SH3BP2: variants seen among roughly 807,000 people sequenced by gnomAD.
SH3BP2 encodes SH3 domain-binding protein 2.
SH3BP2 carries 38 observed loss-of-function variants against 56.2 expected under a neutral mutation model. The ratio of observed to expected loss-of-function variants is 0.68; its 90% CI spans 0.52 to 0.89. The LOEUF (loss-of-function observed/expected upper bound fraction) is 0.89, where lower values mean the gene tolerates loss of function less well. Among genes scored for constraint, SH3BP2 ranks in the 40% least tolerant of loss-of-function variants. The pLI, the probability that SH3BP2 is intolerant of heterozygous loss-of-function variation, is 0.00. For missense variants in SH3BP2, 748 were observed against 762.6 expected, an observed-to-expected ratio of 0.98 and a Z score of 0.23; for synonymous variants, 346 against 316.7, an observed-to-expected ratio of 1.09 and a Z score of -0.98.
chr4:2,815,602 C>T (rs759101928), intron 1 of SH3BP2, among the ~76,000 whole-genome samples: 2 of 152,228 alleles, frequency 1.3e-5, no homozygotes, highest in African/African-American at 2.4e-5. Context: ...TGGTGGGTTC[C>T]ATCTGTCCTC....
chr4:2,794,908 C>A (rs1225061781), intron 1 of SH3BP2, among the ~76,000 whole-genome samples: 1 of 152,214 alleles, frequency 6.6e-6, no homozygotes, highest in African/African-American at 2.4e-5. Flanking sequence ...AGATGGCCAG[C>A]CTTGGTTCCT....
chr4:2,802,653 GTATA>G (rs1308971030), intron 1 of SH3BP2, among the ~76,000 whole-genome samples: 1 of 147,104 alleles, frequency 6.8e-6, no homozygotes, highest in Non-Finnish European at 1.5e-5. Context: ...ATATATATAT[GTATA>G]TGTGTGTGTG....
intron 1 of SH3BP2, among the ~76,000 whole-genome samples, chr4:2,803,728 C>T (rs114763637): frequency 0.01 from 1,555 of 152,254 alleles, 33 homozygotes; most frequent in African/African-American, 0.036. Flanking sequence ...TACCTGCAAC[C>T]CCAGGGCCTT....
chr4:2,818,715 A>C, intron 1 of SH3BP2: 1 of 994,248 alleles, frequency 1.0e-6, no homozygotes, highest in Non-Finnish European at 1.2e-6. Context: ...TTTGTTCCAA[A>C]CCTTGGCCTG....
At position 2,805,932 on chromosome 4, in the gene SH3BP2, G is replaced by A. The variant is rs577119563; in HGVS notation, c.-5+12794G>A. On this transcript the variant is annotated intron_variant, in intron 1 of 12. Transcript: ENST00000503393. ...TGGCTCTGTCTGTGCCAAGGGCCGC[G>A]GGGAGACGCCTGTTCTGGAGGCCAG... Among the ~76,000 whole-genome samples, 19 of 152,334 alleles carry A rather than the reference G, an allele frequency of 1.2e-4. No homozygotes were observed. In the East Asian group the frequency reaches 3.1e-3, roughly 25 times the overall value.
In SH3BP2 at chr4:2,798,197, C is replaced by G. The variant is rs750897587; in HGVS notation, c.-5+5059C>G. On this transcript the variant is annotated intron_variant, in intron 1 of 12. Transcript: ENST00000503393. ...CCAAAGCCTGGTGAGGAAGAGCCGC[C>G]GAGCGGAGTCGGTGTCCCCTGTCCT... Among the ~76,000 whole-genome samples the G allele has an allele frequency of 2.6e-5, 4 of 152,264 alleles. No homozygotes were observed. In the East Asian group the frequency reaches 7.8e-4, roughly 30 times the overall value.
intron 1 of SH3BP2, among the ~76,000 whole-genome samples, chr4:2,806,544 G>C (rs2108707136): frequency 6.6e-6 from 1 of 152,296 alleles, no homozygotes; most frequent in East Asian, 1.9e-4. Flanking sequence ...GCGAGCAGCA[G>C]TGCCAGCCGT....
intron 1 of SH3BP2, among the ~76,000 whole-genome samples, chr4:2,806,178 G>A (rs1403600314): frequency 6.6e-6 from 1 of 152,236 alleles, no homozygotes; most frequent in Non-Finnish European, 1.5e-5. Flanking sequence ...GCCTGCCAAG[G>A]TCACATGCAT....
chr4:2,830,231 C>T, intron 8 of SH3BP2, 84 bp downstream of exon 8: 1 of 1,335,898 alleles, frequency 7.5e-7, no homozygotes, highest in East Asian at 2.5e-5. Context: ...GCCCACCTCG[C>T]TCCCCTGGCA....
intron 1 of SH3BP2, among the ~76,000 whole-genome samples, chr4:2,813,346 G>A (rs1361116184): frequency 1.3e-5 from 2 of 152,252 alleles, no homozygotes; most frequent in Non-Finnish European, 2.9e-5. Context: ...TTCTTCGTCA[G>A]TGACTTGGGG....
At chr4:2,812,515 G>A (rs184438330) in intron 1 of SH3BP2, 92 of 1,543,208 alleles carry the variant, frequency 6.0e-5, no homozygotes, top group Admixed American at 7.9e-5. Context: ...CTCGGGAGGC[G>A]GCACTGGTCT....
intron 12 of SH3BP2, 35 bp downstream of exon 12, chr4:2,833,084 C>T (rs767817796): frequency 2.2e-5 from 36 of 1,602,172 alleles, no homozygotes; most frequent in African/African-American, 9.4e-5. Flanking sequence ...GGACCCTGGC[C>T]GCATGGCCTG....
At chr4:2,818,838 C>A (rs916939472) in intron 1 of SH3BP2, 4 of 986,124 alleles carry the variant, frequency 4.1e-6, no homozygotes, top group Non-Finnish European at 4.8e-6. Context: ...AGGCCGAGGC[C>A]GGCAGAAGAC....
intron 5 of SH3BP2, 163 bp downstream of exon 5, chr4:2,825,359 A>G (rs1724548242): frequency 2.9e-6 from 2 of 687,634 alleles, no homozygotes; most frequent in African/African-American, 3.6e-5. Context: ...GTCTACAGAT[A>G]AACACAGATA....
chr4:2,825,193 C>G lies in SH3BP2; in HGVS notation c.425C>G (p.Thr142Ser). 6.3e-7 allele frequency: 1 copy of G among 1,576,804 alleles called. No individual in the cohort carries two copies. The highest frequency in any genetic ancestry group is 2.3e-5 in the East Asian group (1 of 42,688). Reference sequence around the variant, plus strand: ...GAAAAGAAAGACCTGCCCTTGGACACCAGGTGAGCCCGGGCCCAGGGCATA... The same window carrying G: ...GAAAAGAAAGACCTGCCCTTGGACAGCAGGTGAGCCCGGGCCCAGGGCATA... ...FHEKKDLPLD[T>S]SDSSSDTDSF... The change falls in exon 5 of 13, where the codon ACC becomes AGC. Residue 142 changes from threonine (T) to serine (S), a missense_variant. Transcript: ENST00000503393.
Position 2,831,258 on chromosome 4 carries a change from C to T in SH3BP2, c.1242-313C>T, listed in dbSNP as rs1724969337. ...GGCTGTGATTTGGCCATGACCGGAC[C>T]TCCCCTCCCCACGAGCATCCAGAGC... On this transcript the variant is annotated intron_variant, in intron 8 of 12. Coordinates refer to ENST00000503393, the MANE Select transcript of SH3BP2 (RefSeq NM_001122681.2). This position sits in a 1 kb window ranked among gnomAD's most constrained non-coding sequence, Gnocchi z 4.1. Among the ~76,000 whole-genome samples, 1 of 152,208 alleles carries T rather than the reference C, an allele frequency of 6.6e-6. No homozygotes were observed. The highest frequency in any genetic ancestry group is 1.5e-5 in the Non-Finnish European group (1 of 68,036).
In SH3BP2 at chr4:2,839,705, C is replaced by G. The variant is rs1442200176; in HGVS notation, c.*5871C>G. On this transcript the variant is annotated 3_prime_UTR_variant, in exon 13 of 13. Transcript: ENST00000503393. ...ACCTCAGCCTCCTGAGTAGCCGGAA[C>G]TACAGTCACGCACTTCCATGTCCAG... 1 of 151,696 alleles carries G rather than the reference C, an allele frequency of 6.6e-6. No individual in the cohort carries two copies. The highest frequency in any genetic ancestry group is 2.4e-5 in the African/African-American group (1 of 41,242). 9.4% of individuals were successfully genotyped at this position (151,696 alleles called of 1,614,324 possible). A position where few individuals can be genotyped will look rare whatever the true frequency, so the allele number is the denominator to read the frequency against.
At position 2,840,234 on chromosome 4, in the gene SH3BP2, C is replaced by CAAAAAAAAAAAA. The variant is rs568332811; in HGVS notation, c.*6409_*6420dup. The CAAAAAAAAAAAA allele has an allele frequency of 5.6e-4, 46 of 82,488 alleles. No individual in the cohort carries two copies. The highest frequency in any genetic ancestry group is 6.7e-4 in the Admixed American group (5 of 7,504). 5.1% of individuals were successfully genotyped at this position (82,488 alleles called of 1,614,324 possible). Reference sequence around the variant, plus strand: ...AGTGAGACCCTATCTCAAAAAAAACCAAAAAAAAAAAAAAAAAAAAGAAAA... The same window carrying CAAAAAAAAAAAA: ...AGTGAGACCCTATCTCAAAAAAAACCAAAAAAAAAAAAAAAAAAAAAAAAAAAAAAAAGAAAA... On this transcript the variant is annotated 3_prime_UTR_variant, in exon 13 of 13. Coordinates refer to ENST00000503393, the MANE Select transcript of SH3BP2 (RefSeq NM_001122681.2).
rs770092682 is a variant in SH3BP2, at chr4:2,831,947, G to A, written c.1375G>A (p.Val459Ile). Residue 459 changes from valine (V) to isoleucine (I), a missense_variant, in exon 10 of 13, where the codon GTC (valine) becomes ATC (isoleucine). By Grantham distance (29) the Val-to-Ile change is conservative (BLOSUM62 3). Coordinates refer to ENST00000503393, the MANE Select transcript of SH3BP2 (RefSeq NM_001122681.2). This position sits in a 1 kb window ranked among gnomAD's most constrained non-coding sequence, Gnocchi z 4.1. ...GGTGCCACTGCCCAACTCGGTCTTC[G>A]TCAACACCACGGAGTCCTGCGAAGT... is the stretch of plus-strand genomic sequence containing the variant. ...EKVPLPNSVF[V>I]NTTESCEVER... is the part of the protein sequence containing the mutation. The A allele has an allele frequency of 8.1e-6, 13 of 1,612,806 alleles. No individual in the cohort carries two copies. Among genetic ancestry groups the A allele is most frequent in the Admixed American group, 5.0e-5 (3 of 59,998 alleles).
Sources: allele counts gnomAD v4.1 joint callset (sites outside exome capture counted in the v4.1 genomes callset), GRCh38; gene constraint gnomAD v4.1.1; non-coding constraint Gnocchi (gnomAD v3.1); transcripts MANE v1.5; gene names NCBI Gene and HGNC (gene_info 2026-07-23, HGNC 2026-07-21).